PRCC: variants seen among roughly 807,000 people sequenced by gnomAD.
PRCC encodes the protein proline rich mitotic checkpoint control factor.
In PRCC, 10 loss-of-function variants were observed where a neutral mutation model predicts 44.0. The ratio of observed to expected loss-of-function variants is 0.23; its 90% CI spans 0.14 to 0.39. The LOEUF (loss-of-function observed/expected upper bound fraction) is 0.39, where lower values mean the gene tolerates loss of function less well. Ranked by LOEUF, PRCC falls within the 10% of genes least tolerant of loss-of-function variation. The pLI is 1.00. For missense variants in PRCC, 573 were observed against 624.7 expected (o/e 0.92, Z 0.88); for synonymous variants, 278 against 259.5 (o/e 1.07, Z -0.69).
intron 1 of PRCC, among the ~76,000 whole-genome samples, chr1:156,779,798 T>C (rs925218938): frequency 6.6e-6 from 1 of 152,114 alleles, no homozygotes; most frequent in African/African-American, 2.4e-5. Context: ...ACCAGGCTGG[T>C]CTTGAACTCC....
Position 156,786,916 on chromosome 1 carries a change from C to T in PRCC, c.825C>T (p.Asn275=). 1 of 1,614,234 alleles carries T rather than the reference C, an allele frequency of 6.2e-7. No individual in the cohort carries two copies. The highest frequency in any genetic ancestry group is 1.6e-4 in the Middle Eastern group (1 of 6,062). ...GTGATGAGGAAGTAGCCCCCGAAAA[C>T]TTTTTCTCCCTCCCTGAAAAGGCTG... ...DDSDEEVAPE[N]FFSLPEKAEP... is the part of the protein sequence containing the mutation. The change falls in exon 3 of 7, where the codon AAC becomes AAT. Residue 275 remains asparagine (N), a synonymous_variant. Transcript: ENST00000271526.
intron 6 of PRCC, 69 bp downstream of exon 6, chr1:156,797,410 AC>A: frequency 3.8e-6 from 6 of 1,573,634 alleles, no homozygotes; most frequent in Non-Finnish European, 5.2e-6. Flanking sequence ...AGGCTGAGAT[AC>A]GAGTTAGAAG....
At chr1:156,778,880 A>G (rs1445726137) in intron 1 of PRCC, among the ~76,000 whole-genome samples, 3 of 149,752 alleles carry the variant, frequency 2.0e-5, no homozygotes, top group African/African-American at 7.4e-5. Context: ...GCTCACTACA[A>G]CCTCTTCCTC....
Position 156,787,022 on chromosome 1 carries a change from G to A in PRCC, c.931G>A (p.Ala311Thr), listed in dbSNP as rs887446374. 1.2e-6 allele frequency: 2 copies of A among 1,614,248 alleles called. No homozygotes were observed. Among genetic ancestry groups the A allele is most frequent in the Admixed American group, 3.3e-5 (2 of 60,026 alleles). Reference sequence around the variant, plus strand: ...GCCTCCAGGCACGGAACCAGAGCCGGCTTTCCAGGACGATGCAGCCAATGC... The same window carrying A: ...GCCTCCAGGCACGGAACCAGAGCCGACTTTCCAGGACGATGCAGCCAATGC... ...ELPPGTEPEP[A>T]FQDDAANAPL... is the part of the protein sequence containing the mutation. The change falls in exon 3 of 7, where the codon GCT (alanine) becomes ACT (threonine). Residue 311 changes from alanine (A) to threonine (T), a missense_variant. Ala to Thr is a moderately conservative substitution (Grantham distance 58, BLOSUM62 0). Coordinates refer to ENST00000271526, the MANE Select transcript of PRCC (RefSeq NM_005973.5).
chr1:156,786,813 C>T lies in PRCC; in HGVS notation c.722C>T (p.Ser241Leu), dbSNP rs770347241. 5.6e-6 allele frequency: 9 copies of T among 1,614,120 alleles called. No homozygotes were observed. Among genetic ancestry groups the T allele is most frequent in the South Asian group, 1.1e-5 (1 of 91,090 alleles). Reference sequence around the variant, plus strand: ...GTGGGCACCACAACCACCACTCCGTCGCCCTCTGCTATCAAGGCTGCTGCC... The same window carrying T: ...GTGGGCACCACAACCACCACTCCGTTGCCCTCTGCTATCAAGGCTGCTGCC... ...PVVGTTTTTP[S>L]PSAIKAAAKS... Residue 241 changes from serine (S) to leucine (L), a missense_variant, in exon 3 of 7, where the codon TCG (serine) becomes TTG (leucine). Ser to Leu is a moderately radical substitution (Grantham distance 145). Around this residue, in one of 4 missense-constraint regions of PRCC, gnomAD observed 118 missense variants for 166.7 expected, o/e 0.71. Transcript: ENST00000271526.
At chr1:156,793,650 AAC>A (rs1652565462) in intron 4 of PRCC, among the ~76,000 whole-genome samples, 1 of 152,174 alleles carries the variant, frequency 6.6e-6, no homozygotes, top group African/African-American at 2.4e-5. Flanking sequence ...AATTAGAAGG[AAC>A]AGAGATGGAC....
At position 156,779,767 on chromosome 1, in the gene PRCC, T is replaced by TGG. The variant is rs61217188; in HGVS notation, c.469-2509_469-2508dup. Among the ~76,000 whole-genome samples, 547 of 151,758 alleles carry TGG rather than the reference T, an allele frequency of 3.6e-3. 5 individuals are homozygous for TGG. The highest frequency in any genetic ancestry group is 0.013 in the African/African-American group (520 of 41,332). On this transcript the variant is annotated intron_variant, in intron 1 of 6. Transcript: ENST00000271526. Reference sequence around the variant, plus strand: ...TCTTCTTTTTTTTAAATATTAGAGGTGGGGGGGTCTCACTATGTTGACCAG... The same window carrying TGG: ...TCTTCTTTTTTTTAAATATTAGAGGTGGGGGGGGGTCTCACTATGTTGACCAG...
chr1:156,768,359 G>T, intron 1 of PRCC, 120 bp downstream of exon 1: 1 of 1,083,392 alleles, frequency 9.2e-7, no homozygotes, highest in South Asian at 1.4e-5. Context: ...AAGGCCACTG[G>T]AATCCTCTTA....
chr1:156,792,151 T>C (rs1652508350), intron 4 of PRCC, among the ~76,000 whole-genome samples: 1 of 147,322 alleles, frequency 6.8e-6, no homozygotes. Flanking sequence ...TCCTTCTGCC[T>C]TGGTCTCCCA....
At chr1:156,775,723 C>T (rs1651805949) in intron 1 of PRCC, among the ~76,000 whole-genome samples, 1 of 152,222 alleles carries the variant, frequency 6.6e-6, no homozygotes, top group Non-Finnish European at 1.5e-5. Flanking sequence ...ATTGGCCAGG[C>T]TGGTCTCGAA....
intron 1 of PRCC, among the ~76,000 whole-genome samples, chr1:156,772,670 AC>A (rs1651675870): frequency 6.6e-6 from 1 of 152,212 alleles, no homozygotes; most frequent in African/African-American, 2.4e-5. Flanking sequence ...CAGATTGTTT[AC>A]CAAGATAGTA....
In PRCC at chr1:156,791,628, A is replaced by G. The variant is rs116718121; in HGVS notation, c.1084-69A>G. ...TTTGATGACAATTTTCTGTTTCTGG[A>G]CAGACCTTACCTTCCCCTCTCCAAC... On this transcript the variant is annotated intron_variant, in intron 3 of 6. Transcript: ENST00000271526. 4.9e-4 allele frequency: 693 copies of G among 1,423,362 alleles called. 4 individuals carry two copies. In the African/African-American group the frequency reaches 8.8e-3, roughly 18 times the overall value. 88.2% of individuals were successfully genotyped at this position (1,423,362 alleles called of 1,614,324 possible). A position where few individuals can be genotyped will look rare whatever the true frequency, so the allele number is the denominator to read the frequency against.
At chr1:156,787,581 G>C (rs967803690) in intron 3 of PRCC, among the ~76,000 whole-genome samples, 1 of 134,204 alleles carries the variant, frequency 7.5e-6, no homozygotes, top group Non-Finnish European at 1.6e-5. Flanking sequence ...TGCATGTCAC[G>C]GGTTTGGTGT....
chr1:156,787,962 G>A (rs1411284661), intron 3 of PRCC, among the ~76,000 whole-genome samples: 1 of 152,100 alleles, frequency 6.6e-6, no homozygotes. Context: ...CTCCCAAATA[G>A]CTGGGACTAC....
At chr1:156,791,216 TC>T in intron 3 of PRCC, 2 of 1,233,070 alleles carry the variant, frequency 1.6e-6, no homozygotes, top group Non-Finnish European at 2.2e-6. Context: ...ATCTATAACC[TC>T]CCCACCCGGT....
chr1:156,774,157 CTTTTT>C (rs76271348), intron 1 of PRCC, among the ~76,000 whole-genome samples: 4 of 54,006 alleles, frequency 7.4e-5, no homozygotes, highest in East Asian at 8.3e-4. Context: ...TTTGAGTCAC[CTTTTT>C]TTTTTTTTTT....
intron 1 of PRCC, among the ~76,000 whole-genome samples, chr1:156,775,925 G>A (rs1236440412): frequency 2.6e-5 from 4 of 152,208 alleles, no homozygotes; most frequent in Non-Finnish European, 4.4e-5. Context: ...GGGATTATAG[G>A]GGTGAACCAC....
chr1:156,792,975 A>G (rs988487746), intron 4 of PRCC, among the ~76,000 whole-genome samples: 29 of 152,326 alleles, frequency 1.9e-4, no homozygotes, highest in African/African-American at 7.0e-4. Flanking sequence ...TGAAAGCACA[A>G]TGTCCTGTGA....
intron 1 of PRCC, among the ~76,000 whole-genome samples, 175 bp downstream of exon 1, chr1:156,768,414 G>A (rs1384585647): frequency 6.6e-6 from 1 of 152,210 alleles, no homozygotes; most frequent in Non-Finnish European, 1.5e-5. Flanking sequence ...GGGGGAGTTT[G>A]GGTGTTTGCC....
Sources: gnomAD v4.1 joint callset for allele counts (sites outside exome capture counted in the v4.1 genomes callset) on GRCh38, gnomAD v4.1.1 for gene constraint, gnomAD v4.1.1 regional missense constraint, MANE v1.5 for transcripts, NCBI Gene and HGNC (gene_info 2026-07-23, HGNC 2026-07-21) for gene names.